The following BPNT2 variants were observed in gnomAD, a reference collection of about 807,000 sequenced individuals.
The protein encoded by BPNT2 is 3'(2'), 5'-bisphosphate nucleotidase 2.
Under a neutral mutation model 29.3 loss-of-function variants are expected in BPNT2, and 11 were observed. The ratio of observed to expected loss-of-function variants is 0.38; its 90% CI spans 0.24 to 0.62. The LOEUF (loss-of-function observed/expected upper bound fraction) is 0.62, where lower values mean the gene tolerates loss of function less well. Among genes scored for constraint, BPNT2 ranks in the 20% least tolerant of loss-of-function variants. The probability of loss-of-function intolerance (pLI) is 0.62; values close to 1 mark genes in which losing one functional copy is unlikely to be tolerated. For synonymous variants in BPNT2, 195 were observed against 187.7 expected (o/e 1.04, Z -0.32); for missense variants, 459 against 473.4 (o/e 0.97, Z 0.28).
In BPNT2 at chr8:56,959,724, T is replaced by C. The variant is rs534130708; in HGVS notation, c.*4069A>G. On this transcript the variant is annotated 3_prime_UTR_variant, in exon 5 of 5. Transcript: ENST00000262644. Reference sequence around the variant, plus strand: ...AAGATGCCAGTTCTTATAAAAAACATACTTTAGTTGTAAATGCTAGGTTAT... The same window carrying C: ...AAGATGCCAGTTCTTATAAAAAACACACTTTAGTTGTAAATGCTAGGTTAT... 7.9e-4 allele frequency: 120 copies of C among 152,342 alleles called. No individual in the cohort carries two copies. Among genetic ancestry groups the C allele is most frequent in the African/African-American group, 2.8e-3 (118 of 41,592 alleles). The allele number at this position is 152,342 out of a possible 1,614,324, so 9.4% of individuals were successfully genotyped here. A position where few individuals can be genotyped will look rare whatever the true frequency, so the allele number is the denominator to read the frequency against.
intron 3 of BPNT2, 74 bp downstream of exon 3, chr8:56,977,976 G>T: frequency 1.1e-6 from 1 of 949,828 alleles, no homozygotes; most frequent in South Asian, 1.3e-5. Context: ...TACAAATTTA[G>T]GTACATGACA....
intron 1 of BPNT2, among the ~76,000 whole-genome samples, chr8:56,992,081 G>A (rs1195020134): frequency 6.6e-6 from 1 of 151,968 alleles, no homozygotes; most frequent in Non-Finnish European, 1.5e-5. Context: ...GAAGAGAGGA[G>A]AATAAAAAAC....
intron 2 of BPNT2, among the ~76,000 whole-genome samples, 157 bp downstream of exon 2, chr8:56,979,878 T>G (rs546594609): frequency 6.6e-6 from 1 of 152,324 alleles, no homozygotes; most frequent in East Asian, 1.9e-4. Flanking sequence ...TTTCTTCAAT[T>G]ATAGGTGTCC....
intron 1 of BPNT2, among the ~76,000 whole-genome samples, chr8:56,991,736 T>C (rs1806419111): frequency 6.6e-6 from 1 of 152,204 alleles, no homozygotes; most frequent in Non-Finnish European, 1.5e-5. Flanking sequence ...ATTCAATAAA[T>C]GGTTATTATT....
At chr8:56,979,938 A>G (rs576003500) in intron 2 of BPNT2, 97 bp downstream of exon 2, 1 of 1,135,330 alleles carries the variant, frequency 8.8e-7, no homozygotes, top group Non-Finnish European at 1.3e-6. Context: ...TTACTGAACA[A>G]TCAGTGAGCC....
At position 56,993,243 on chromosome 8, in the gene BPNT2, G is replaced by A. The variant is rs1175973958; in HGVS notation, c.343C>T (p.Arg115Cys). The A allele has an allele frequency of 1.2e-6, 2 of 1,607,520 alleles. No homozygotes were observed. The highest frequency in any genetic ancestry group is 1.7e-6 in the Non-Finnish European group (2 of 1,179,826). The change falls in exon 1 of 5, where the codon CGC becomes TGC. Residue 115 changes from arginine (R) to cysteine (C), a missense_variant. Transcript: ENST00000262644. ...KMTSGDVLSN[R>C]KMFYLLKTAF... Reference sequence around the variant, plus strand: ...GTCTTGAGCAGGTAGAACATCTTGCGGTTGGACAGCACGTCGCCGCTGGTC... The same window carrying A: ...GTCTTGAGCAGGTAGAACATCTTGCAGTTGGACAGCACGTCGCCGCTGGTC...
At position 56,959,400 on chromosome 8, in the gene BPNT2, T is replaced by G. The variant is rs1476218198; in HGVS notation, c.*4393A>C. 1.3e-5 allele frequency: 2 copies of G among 152,214 alleles called. No individual in the cohort carries two copies. The highest frequency in any genetic ancestry group is 4.8e-5 in the African/African-American group (2 of 41,454). The allele number at this position is 152,214 out of a possible 1,614,324, so 9.4% of individuals were successfully genotyped here. On this transcript the variant is annotated 3_prime_UTR_variant, in exon 5 of 5. Transcript: ENST00000262644. ...ACCTGGTAAAACCAAAACCTCCTTT[T>G]GAAGTATAAAGTTCCATTCTTCTTG... is the stretch of plus-strand genomic sequence containing the variant.
chr8:56,977,855 AT>A (rs1806170000), intron 3 of BPNT2, among the ~76,000 whole-genome samples, 194 bp downstream of exon 3: 2 of 152,184 alleles, frequency 1.3e-5, no homozygotes, highest in South Asian at 4.1e-4. Context: ...CAGCACCACG[AT>A]TTTAGATTTC....
chr8:56,968,340 A>C (rs1263670704), intron 3 of BPNT2, among the ~76,000 whole-genome samples: 1 of 152,084 alleles, frequency 6.6e-6, no homozygotes, highest in African/African-American at 2.4e-5. Flanking sequence ...GCAAAAAGGA[A>C]AGTGAAACAA....
chr8:56,976,589 A>C (rs958204689), intron 3 of BPNT2, among the ~76,000 whole-genome samples: 3 of 152,222 alleles, frequency 2.0e-5, no homozygotes, highest in Non-Finnish European at 4.4e-5. Flanking sequence ...CAGATAGCAC[A>C]AAGTGGACTT....
chr8:56,966,377 T>A (rs528677563), intron 3 of BPNT2, 25 bp from the exon 4 acceptor site: 11 of 1,604,148 alleles, frequency 6.9e-6, no homozygotes, highest in Non-Finnish European at 9.4e-6. Flanking sequence ...TAATATCCAT[T>A]AATGGCACTG....
rs562023075 is a variant in BPNT2, at chr8:56,962,221, GT to G, written c.*1571del. On this transcript the variant is annotated 3_prime_UTR_variant, in exon 5 of 5. Transcript: ENST00000262644. ...AATTTGACCAGTTGCAAGAGATTGG[GT>G]GAAAACATTTGTGTCATATTAGATT... 62 of 152,310 alleles carry G rather than the reference GT, an allele frequency of 4.1e-4. No homozygotes were observed. Among genetic ancestry groups the G allele is most frequent in the African/African-American group, 1.3e-3 (52 of 41,560 alleles). The allele number at this position is 152,310 out of a possible 1,614,324, so 9.4% of individuals were successfully genotyped here.
At chr8:56,967,655 A>C (rs777863995) in intron 3 of BPNT2, among the ~76,000 whole-genome samples, 5 of 152,118 alleles carry the variant, frequency 3.3e-5, no homozygotes, top group Non-Finnish European at 5.9e-5. Context: ...AGCTTGGAGG[A>C]GATACGGGAC....
intron 3 of BPNT2, among the ~76,000 whole-genome samples, chr8:56,968,329 A>C (rs1225674552): frequency 6.6e-6 from 1 of 152,080 alleles, no homozygotes; most frequent in African/African-American, 2.4e-5. Flanking sequence ...CAATGAGAAA[A>C]GCAAAAAGGA....
chr8:56,978,281 C>A (rs1806179461), intron 2 of BPNT2, 136 bp from the exon 3 acceptor site: 11 of 696,092 alleles, frequency 1.6e-5, no homozygotes, highest in Non-Finnish European at 2.8e-5. Context: ...TCCCTTCAAG[C>A]AAACAGAGTC....
intron 1 of BPNT2, among the ~76,000 whole-genome samples, chr8:56,982,334 G>T (rs964584537): frequency 2.0e-5 from 3 of 152,124 alleles, no homozygotes; most frequent in African/African-American, 7.2e-5. Context: ...TGTTGGCCAG[G>T]ATGGTCTCGA....
Position 56,978,146 on chromosome 8 carries a change from CTA to C in BPNT2, c.551-3_551-2del, listed in dbSNP as rs760054336. On this transcript the variant is annotated splice_acceptor_variant and splice_polypyrimidine_tract_variant and intron_variant, in intron 2 of 4. Transcript: ENST00000262644. LOFTEE classifies it high-confidence loss of function. ...GTAGTGACGTACTTTCGAAGATCCT[CTA>C]TGAGAAAAAAAACAAAACAACACAC... is the stretch of plus-strand genomic sequence containing the variant. 3.8e-5 allele frequency: 60 copies of C among 1,589,598 alleles called. No homozygotes were observed. In the Admixed American group the frequency reaches 9.5e-4, roughly 25 times the overall value.
intron 1 of BPNT2, among the ~76,000 whole-genome samples, chr8:56,991,291 C>A (rs574274712): frequency 6.6e-6 from 1 of 152,178 alleles, no homozygotes; most frequent in Non-Finnish European, 1.5e-5. Context: ...CAAATAGTCA[C>A]AAGAAAACAA....
rs1394453938 is a variant in BPNT2, at chr8:56,993,743, A to G, written c.-158T>C. The G allele has an allele frequency of 3.2e-6, 3 of 936,992 alleles. No homozygotes were observed. Among genetic ancestry groups the G allele is most frequent in the Non-Finnish European group, 3.8e-6 (3 of 781,528 alleles). 58.0% of individuals were successfully genotyped at this position (936,992 alleles called of 1,614,324 possible). On this transcript the variant is annotated 5_prime_UTR_variant, in exon 1 of 5. Coordinates refer to ENST00000262644, the MANE Select transcript of BPNT2 (RefSeq NM_017813.5). ...TGCGCCCCATCACTCCCTCCCAGGAAAGGCCGAGTTGCGCCGCGAAGACCA... is the reference window on the plus strand; with the variant it reads ...TGCGCCCCATCACTCCCTCCCAGGAGAGGCCGAGTTGCGCCGCGAAGACCA...
Sources: allele counts gnomAD v4.1 joint callset (sites outside exome capture counted in the v4.1 genomes callset), GRCh38; gene constraint gnomAD v4.1.1; transcripts MANE v1.5; gene names NCBI Gene and HGNC (gene_info 2026-07-23, HGNC 2026-07-21).